The following HHEX variants were observed in gnomAD, a reference collection of about 807,000 sequenced individuals.
HHEX encodes the protein hematopoietically-expressed homeobox protein HHEX.
A neutral mutation model predicts 27.0 loss-of-function variants in HHEX; 8 were observed. The observed-to-expected ratio is 0.30, with a 90% CI of 0.17 to 0.54. The LOEUF (loss-of-function observed/expected upper bound fraction) is 0.54. Among genes scored for constraint, HHEX ranks in the 20% least tolerant of loss-of-function variants. The pLI, the probability that HHEX is intolerant of heterozygous loss-of-function variation, is 0.95. For synonymous variants in HHEX, 164 were observed against 161.5 expected, an observed-to-expected ratio of 1.02 and a Z score of -0.12; for missense variants, 326 against 357.2, an observed-to-expected ratio of 0.91 and a Z score of 0.70.
Position 92,690,161 on chromosome 10 carries a change from A to G in HHEX, c.175A>G (p.Thr59Ala). ...GCTGCCGTCCCCCAACTCCTCCTTC[A>G]CCAGCCTCGTGTCCCCCTACCGGAC... ...PTLPSPNSSF[T>A]SLVSPYRTPV... The change falls in exon 1 of 4, where the codon ACC (threonine) becomes GCC (alanine). Residue 59 changes from threonine to alanine, a missense_variant. Thr to Ala is a moderately conservative substitution (Grantham distance 58, BLOSUM62 0). This residue lies in a region of HHEX where 215 missense variants were observed against 196.4 expected (regional missense o/e 1.09). Coordinates refer to ENST00000282728, the MANE Select transcript of HHEX (RefSeq NM_002729.5). 6.4e-7 allele frequency: 1 copy of G among 1,555,154 alleles called. No homozygotes were observed. Among genetic ancestry groups the G allele is most frequent in the African/African-American group, 1.4e-5 (1 of 72,598 alleles).
chr10:92,691,382 T>A (rs1230495325), intron 1 of HHEX, among the ~76,000 whole-genome samples: 2 of 152,192 alleles, frequency 1.3e-5, no homozygotes, highest in African/African-American at 4.8e-5. Context: ...ACTCTGTTAT[T>A]GGAAGCTTCA....
Position 92,692,791 on chromosome 10 carries a change from T to G in HHEX, c.591+39T>G, listed in dbSNP as rs760793981. ...TCTGTTTCTATGGAAATAAATATTT[T>G]TATCACGTTATCTCAGTGCAAGGCT... On this transcript the variant is annotated intron_variant, in intron 3 of 3. Coordinates refer to ENST00000282728, the MANE Select transcript of HHEX (RefSeq NM_002729.5). 3.3e-6 allele frequency: 5 copies of G among 1,521,984 alleles called. No homozygotes were observed. In the Admixed American group the frequency reaches 6.7e-5, roughly 20 times the overall value. The allele number at this position is 1,521,984 out of a possible 1,614,324, so 94.3% of individuals were successfully genotyped here.
At chr10:92,692,236 G>C (rs1338047274) in intron 1 of HHEX, 132 bp from the exon 2 acceptor site, 1 of 828,556 alleles carries the variant, frequency 1.2e-6, no homozygotes. Context: ...TCCACGTGCC[G>C]GTGGGTGTAT....
Position 92,691,172 on chromosome 10 carries a change from C to T in HHEX, c.361+825C>T, listed in dbSNP as rs143701387. Among the ~76,000 whole-genome samples the T allele has an allele frequency of 7.1e-3, 1,076 of 152,276 alleles. 16 individuals carry two copies. Among genetic ancestry groups the T allele is most frequent in the African/African-American group, 0.025 (1,022 of 41,536 alleles). ...CCGACACTACTTTGGGAGTAGGAAG[C>T]AGCAGCTCCTGGTCGCCAGTTAGGA... is the stretch of plus-strand genomic sequence containing the variant. On this transcript the variant is annotated intron_variant, in intron 1 of 3. Coordinates refer to ENST00000282728, the MANE Select transcript of HHEX (RefSeq NM_002729.5).
chr10:92,693,404 C>T (rs1259266783), intron 3 of HHEX, among the ~76,000 whole-genome samples: 2 of 152,162 alleles, frequency 1.3e-5, no homozygotes, highest in African/African-American at 4.8e-5. Flanking sequence ...GGTCTATTGA[C>T]TTAAAGCTAA....
intron 1 of HHEX, chr10:92,692,094 T>G: frequency 6.7e-6 from 2 of 297,876 alleles, no homozygotes; most frequent in South Asian, 7.0e-5. Flanking sequence ...CTTTTTGGGG[T>G]TAAAGGTATG....
intron 3 of HHEX, 96 bp from the exon 4 acceptor site, chr10:92,694,451 A>T: frequency 1.1e-6 from 1 of 885,544 alleles, no homozygotes. Flanking sequence ...TAAAAATTAA[A>T]AGATGGAATA....
intron 1 of HHEX, among the ~76,000 whole-genome samples, chr10:92,690,549 T>C (rs1441725754): frequency 6.6e-6 from 1 of 151,710 alleles, no homozygotes; most frequent in African/African-American, 2.4e-5. Context: ...TCCTGCACCT[T>C]GCAGGCGTCG....
At position 92,690,174 on chromosome 10, in the gene HHEX, C is replaced by G; in HGVS notation, c.188C>G (p.Ser63Cys). The G allele has an allele frequency of 3.8e-6, 6 of 1,564,452 alleles. No individual in the cohort carries two copies. The highest frequency in any genetic ancestry group is 5.2e-6 in the Non-Finnish European group (6 of 1,155,230). The change falls in exon 1 of 4, where the codon TCC (serine) becomes TGC (cysteine). Residue 63 changes from serine to cysteine, a missense_variant. This residue lies in a region of HHEX where 215 missense variants were observed against 196.4 expected (regional missense o/e 1.09). Transcript: ENST00000282728. ...AACTCCTCCTTCACCAGCCTCGTGT[C>G]CCCCTACCGGACCCCGGTGTACGAG... is the stretch of plus-strand genomic sequence containing the variant. ...SPNSSFTSLVSPYRTPVYEPT... is the reference protein window; with the variant it reads ...SPNSSFTSLVCPYRTPVYEPT...
Position 92,690,140 on chromosome 10 carries a change from C to T in HHEX, c.154C>T (p.Pro52Ser). 6.5e-7 allele frequency: 1 copy of T among 1,550,050 alleles called. No homozygotes were observed. Among genetic ancestry groups the T allele is most frequent in the Non-Finnish European group, 8.7e-7 (1 of 1,147,032 alleles). ...PAAPTPAPTL[P>S]SPNSSFTSLV... ...CGCGCCCACGCCCGCCCCCACGCTG[C>T]CGTCCCCCAACTCCTCCTTCACCAG... Residue 52 changes from proline (P) to serine (S), a missense_variant, in exon 1 of 4, where the codon CCG (proline) becomes TCG (serine). Physicochemically the swap from Pro to Ser is moderately conservative, Grantham distance 74. Coordinates refer to ENST00000282728, the MANE Select transcript of HHEX (RefSeq NM_002729.5).
Position 92,689,957 on chromosome 10 carries a change from C to G in HHEX, c.-30C>G, listed in dbSNP as rs1200130767. ...GTAGCGCCGCGGCGCGGGCCAGCAG[C>G]TCTGCGAGGGGCCGGAGCGCGGCGG... On this transcript the variant is annotated 5_prime_UTR_variant, in exon 1 of 4. Transcript: ENST00000282728. The G allele has an allele frequency of 2.3e-6, 3 of 1,325,398 alleles. No individual in the cohort carries two copies. The highest frequency in any genetic ancestry group is 2.0e-5 in the South Asian group (1 of 50,524). The allele number at this position is 1,325,398 out of a possible 1,614,324, so 82.1% of individuals were successfully genotyped here.
At chr10:92,692,337 A>G in intron 1 of HHEX, 31 bp from the exon 2 acceptor site, 1 of 1,609,000 alleles carries the variant, frequency 6.2e-7, no homozygotes, top group Non-Finnish European at 8.5e-7. Context: ...GCTCCAGGGC[A>G]GTGGGTGAGC....
At chr10:92,690,685 C>G (rs940980856) in intron 1 of HHEX, among the ~76,000 whole-genome samples, 23 of 152,276 alleles carry the variant, frequency 1.5e-4, no homozygotes, top group African/African-American at 4.6e-4. Flanking sequence ...GGCCGGCCCC[C>G]GTGGGGCAGG....
At chr10:92,694,330 T>A (rs1314149942) in intron 3 of HHEX, among the ~76,000 whole-genome samples, 1 of 152,234 alleles carries the variant, frequency 6.6e-6, no homozygotes, top group Non-Finnish European at 1.5e-5. Flanking sequence ...CTGGTTCTCA[T>A]CTTTTAAGCA....
Position 92,690,106 on chromosome 10 carries a change from C to T in HHEX, c.120C>T (p.Arg40=). The T allele has an allele frequency of 6.5e-7, 1 of 1,547,820 alleles. No homozygotes were observed. Among genetic ancestry groups the T allele is most frequent in the Non-Finnish European group, 8.7e-7 (1 of 1,145,770 alleles). Residue 40 remains arginine (R), a synonymous_variant, in exon 1 of 4, where the codon CGC becomes CGT. Transcript: ENST00000282728. ...TPFYIEDILG[R]GPAAPTPAPT... is the part of the protein sequence containing the mutation. ...TTTACATCGAGGACATCCTGGGCCG[C>T]GGGCCCGCCGCGCCCACGCCCGCCC... is the stretch of plus-strand genomic sequence containing the variant.
At position 92,694,752 on chromosome 10, in the gene HHEX, A is replaced by C; in HGVS notation, c.797A>C (p.Tyr266Ser). 1 of 1,612,144 alleles carries C rather than the reference A, an allele frequency of 6.2e-7. No individual in the cohort carries two copies. The highest frequency in any genetic ancestry group is 8.5e-7 in the Non-Finnish European group (1 of 1,178,300). The change falls in exon 4 of 4, where the codon TAT becomes TCT. Residue 266 changes from tyrosine to serine, a missense_variant. Coordinates refer to ENST00000282728, the MANE Select transcript of HHEX (RefSeq NM_002729.5). ...GTGGACATTGAGGGCGATAAAAGCT[A>C]TTTTAATGCTGGATGATGACCACTG... The part of the protein sequence containing the change: ...QEVDIEGDKS[Y>S]FNAG
In HHEX at chr10:92,690,340, C is replaced by A. The variant is rs987560198; in HGVS notation, c.354C>A (p.Asp118Glu). 11 of 1,478,016 alleles carry A rather than the reference C, an allele frequency of 7.4e-6. No individual in the cohort carries two copies. Among genetic ancestry groups the A allele is most frequent in the Non-Finnish European group, 9.0e-6 (10 of 1,109,950 alleles). The allele number at this position is 1,478,016 out of a possible 1,614,324, so 91.6% of individuals were successfully genotyped here. ...NDYTHALLRH[D>E]PLGKPLLWSP... ...ACACGCACGCCCTGCTCCGCCACGA[C>A]CCCCTGGGTAAGGCGGCCGGGCGAG... is the stretch of plus-strand genomic sequence containing the variant. The change falls in exon 1 of 4, where the codon GAC becomes GAA. Residue 118 changes from aspartate (D) to glutamate (E), a missense_variant. Around this residue, in one of 4 missense-constraint regions of HHEX, gnomAD observed 215 missense variants for 196.4 expected, o/e 1.09. Transcript: ENST00000282728.
intron 1 of HHEX, chr10:92,691,605 G>T (rs1845355850): frequency 6.6e-6 from 1 of 152,238 alleles, no homozygotes; most frequent in Non-Finnish European, 1.5e-5. Flanking sequence ...GAGCCTGGCT[G>T]TGGTCGCCTG....
chr10:92,694,104 A>T (rs904568486), intron 3 of HHEX, among the ~76,000 whole-genome samples: 2 of 152,228 alleles, frequency 1.3e-5, no homozygotes, highest in Non-Finnish European at 2.9e-5. Context: ...TTTATTCTTA[A>T]TTCACCAGTT....
Sources: gnomAD v4.1 joint callset for allele counts (sites outside exome capture counted in the v4.1 genomes callset) on GRCh38, gnomAD v4.1.1 for gene constraint, gnomAD v4.1.1 regional missense constraint, MANE v1.5 for transcripts, NCBI Gene and HGNC (gene_info 2026-07-23, HGNC 2026-07-21) for gene names.